Variants in SLC15A1 observed in about 807,000 individuals in gnomAD.
SLC15A1 encodes the protein solute carrier family 15 member 1.
SLC15A1 carries 83 observed loss-of-function variants against 92.9 expected under a neutral mutation model. The ratio of observed to expected loss-of-function variants is 0.89; its 90% CI spans 0.75 to 1.07. The LOEUF is 1.07. SLC15A1 is among the 50% of genes least tolerant of loss of function. SLC15A1 has a pLI of 0.00. For synonymous variants in SLC15A1, 322 were observed against 318.2 expected, an observed-to-expected ratio of 1.01 and a Z score of -0.13; for missense variants, 857 against 880.1, an observed-to-expected ratio of 0.97 and a Z score of 0.33.
intron 4 of SLC15A1, among the ~76,000 whole-genome samples, chr13:98,724,875 ATTC>A (rs2088286613): frequency 6.6e-6 from 1 of 152,168 alleles, no homozygotes. Context: ...AGAGGTAGTG[ATTC>A]TTCTTTCTTC....
chr13:98,696,378 A>T (rs1265252488), intron 18 of SLC15A1, among the ~76,000 whole-genome samples: 1 of 151,968 alleles, frequency 6.6e-6, no homozygotes, highest in East Asian at 1.9e-4. Flanking sequence ...GCACCAGTGC[A>T]CTCCAGCCTG....
intron 1 of SLC15A1, among the ~76,000 whole-genome samples, chr13:98,734,560 G>C (rs1380358828): frequency 6.6e-6 from 1 of 152,048 alleles, no homozygotes; most frequent in African/African-American, 2.4e-5. Context: ...AGGAAAAGTG[G>C]GACACTCCTG....
At chr13:98,728,092 A>T (rs1490349311) in intron 1 of SLC15A1, among the ~76,000 whole-genome samples, 1 of 152,194 alleles carries the variant, frequency 6.6e-6, no homozygotes, top group Non-Finnish European at 1.5e-5. Context: ...TTTGGGAATC[A>T]CTACACTGGA....
chr13:98,716,014 G>T, intron 8 of SLC15A1, 54 bp from the exon 9 acceptor site: 1 of 1,427,400 alleles, frequency 7.0e-7, no homozygotes, highest in Non-Finnish European at 9.9e-7. Context: ...AGCGCCCTGT[G>T]GCCTAGAGAG....
chr13:98,719,415 CT>C, intron 7 of SLC15A1, 95 bp from the exon 8 acceptor site: 1 of 838,792 alleles, frequency 1.2e-6, no homozygotes, highest in Non-Finnish European at 2.0e-6. Flanking sequence ...TTACGTATTG[CT>C]TTCACATACT....
In SLC15A1 at chr13:98,726,282, T is replaced by C. The variant is rs779133338; in HGVS notation, c.104-18A>G. 1 of 1,613,808 alleles carries C rather than the reference T, an allele frequency of 6.2e-7. No homozygotes were observed. ...CAGGATTGCTTTTGCAGAGGGCAGG[T>C]GGAAGAGGAGGGGGAAACAAAGTTA... is the stretch of plus-strand genomic sequence containing the variant. On this transcript the variant is annotated intron_variant, in intron 3 of 22. Transcript: ENST00000376503.
chr13:98,747,943 C>T (rs2088508269), intron 1 of SLC15A1, among the ~76,000 whole-genome samples: 1 of 152,146 alleles, frequency 6.6e-6, no homozygotes, highest in Non-Finnish European at 1.5e-5. Context: ...TTACTCAGGA[C>T]ATTTTGTAAG....
intron 1 of SLC15A1, among the ~76,000 whole-genome samples, chr13:98,747,529 T>C (rs1361441304): frequency 6.6e-6 from 1 of 152,196 alleles, no homozygotes; most frequent in Non-Finnish European, 1.5e-5. Context: ...GAGTAAGCCC[T>C]GTTTGTTCTT....
intron 9 of SLC15A1, 129 bp from the exon 10 acceptor site, chr13:98,712,713 ACT>A: frequency 1.6e-6 from 1 of 618,926 alleles, no homozygotes; most frequent in Non-Finnish European, 2.8e-6. Context: ...AATTGTATCT[ACT>A]AGTATATGAG....
chr13:98,735,520 T>C (rs1200458509), intron 1 of SLC15A1, among the ~76,000 whole-genome samples: 1 of 152,220 alleles, frequency 6.6e-6, no homozygotes, highest in Admixed American at 6.5e-5. Context: ...TAAAGGGTAT[T>C]CAATTAGGAA....
chr13:98,703,964 T>C (rs989370777), intron 17 of SLC15A1, among the ~76,000 whole-genome samples: 5 of 152,342 alleles, frequency 3.3e-5, no homozygotes, highest in African/African-American at 9.6e-5. Flanking sequence ...TTTTAAATTA[T>C]CTGAAAAAGT....
intron 9 of SLC15A1, among the ~76,000 whole-genome samples, chr13:98,713,743 C>T (rs1455172137): frequency 2.6e-5 from 4 of 151,916 alleles, no homozygotes; most frequent in Non-Finnish European, 5.9e-5. Flanking sequence ...GAGGCATGAG[C>T]GTGATCGAAA....
chr13:98,743,987 G>A lies in SLC15A1; in HGVS notation c.4+8608C>T, dbSNP rs558903671. On this transcript the variant is annotated intron_variant, in intron 1 of 22. Transcript: ENST00000376503. ...GGTGGCCCTAATAATATTGTATATT[G>A]TCACAGGAGAAAATGACTCTAAAGA... 7.9e-5 allele frequency among the ~76,000 whole-genome samples: 12 copies of A among 152,128 alleles called. No individual in the cohort carries two copies. In the South Asian group the frequency reaches 2.3e-3, roughly 29 times the overall value.
intron 7 of SLC15A1, 146 bp downstream of exon 7, chr13:98,721,349 C>T (rs1258395057): frequency 1.4e-6 from 1 of 721,902 alleles, no homozygotes; most frequent in Admixed American, 2.0e-5. Context: ...GAAGGAAGCA[C>T]TTACTCCAGA....
At chr13:98,745,509 G>A (rs754353777) in intron 1 of SLC15A1, among the ~76,000 whole-genome samples, 6 of 152,156 alleles carry the variant, frequency 3.9e-5, no homozygotes, top group Non-Finnish European at 5.9e-5. Context: ...GGGACAAGGC[G>A]GTCCCTCATC....
chr13:98,747,843 T>C (rs1250130273), intron 1 of SLC15A1, among the ~76,000 whole-genome samples: 10 of 152,138 alleles, frequency 6.6e-5, no homozygotes, highest in Non-Finnish European at 2.9e-5. Context: ...ATTGTGCCAC[T>C]GCACTCCAGC....
intron 15 of SLC15A1, among the ~76,000 whole-genome samples, chr13:98,707,455 A>T (rs1484773782): frequency 6.6e-6 from 1 of 152,206 alleles, no homozygotes; most frequent in East Asian, 1.9e-4. Flanking sequence ...TCAGATTCAT[A>T]GACTCAGAAA....
At chr13:98,714,184 TGACTTGTTAAG>T (rs2088192583) in intron 9 of SLC15A1, among the ~76,000 whole-genome samples, 1 of 152,060 alleles carries the variant, frequency 6.6e-6, no homozygotes, top group East Asian at 1.9e-4. Flanking sequence ...AAGTTGTCAA[TGACTTGTTAAG>T]GAAGGACTTG....
chr13:98,689,177 C>T (rs555451653), intron 18 of SLC15A1, among the ~76,000 whole-genome samples: 7 of 152,252 alleles, frequency 4.6e-5, no homozygotes, highest in African/African-American at 1.4e-4. Context: ...TGACCTCAGA[C>T]GATCTGCCCA....
Sources: allele counts gnomAD v4.1 joint callset (sites outside exome capture counted in the v4.1 genomes callset), GRCh38; gene constraint gnomAD v4.1.1; transcripts MANE v1.5; gene names NCBI Gene and HGNC (gene_info 2026-07-23, HGNC 2026-07-21).